The following ZNF618 variants were observed in gnomAD, a reference collection of about 807,000 sequenced individuals.
ZNF618 encodes neural precursor cell expressed, developmentally down-regulated 10.
Under a neutral mutation model 103.0 loss-of-function variants are expected in ZNF618, and 34 were observed. The ratio of observed to expected loss-of-function variants is 0.33; its 90% CI spans 0.25 to 0.44. ZNF618 has a LOEUF of 0.44. Ranked by LOEUF, ZNF618 falls within the 20% of genes least tolerant of loss-of-function variation. The probability of loss-of-function intolerance (pLI) is 1.00; values close to 1 mark genes in which losing one functional copy is unlikely to be tolerated. For synonymous variants in ZNF618, 551 were observed against 542.2 expected (o/e 1.02, Z -0.23); for missense variants, 1,059 against 1,295.4 (o/e 0.82, Z 2.80).
At chr9:113,977,701 T>G (rs12351979) in intron 2 of ZNF618, among the ~76,000 whole-genome samples, 25,097 of 152,176 alleles carry the variant, frequency 0.16, 2,522 homozygotes, top group Middle Eastern at 0.29. Flanking sequence ...CGTGTCTGTT[T>G]AAAATGCCAT....
In ZNF618 at chr9:114,035,242, G is replaced by A. The variant is rs941082566; in HGVS notation, c.1169-1058G>A. Reference sequence around the variant, plus strand: ...CCTTTCCCTCTCCTACAGAGTAAGTGATGGTCCCGTTGGGGGGCTGGAGAG... The same window carrying A: ...CCTTTCCCTCTCCTACAGAGTAAGTAATGGTCCCGTTGGGGGGCTGGAGAG... On this transcript the variant is annotated intron_variant, in intron 12 of 14. Transcript: ENST00000374126. 5.1e-6 allele frequency: 5 copies of A among 985,928 alleles called. No homozygotes were observed. In the African/African-American group the frequency reaches 5.2e-5, roughly 10 times the overall value. 61.1% of individuals were successfully genotyped at this position (985,928 alleles called of 1,614,324 possible).
chr9:113,969,975 C>T (rs1347804915), intron 2 of ZNF618, among the ~76,000 whole-genome samples: 2 of 152,056 alleles, frequency 1.3e-5, no homozygotes, highest in Non-Finnish European at 2.9e-5. Context: ...GAATGCCAAG[C>T]AGAAGAATTT....
chr9:113,936,852 A>G (rs1030250558), intron 1 of ZNF618, among the ~76,000 whole-genome samples: 1 of 151,934 alleles, frequency 6.6e-6, no homozygotes, highest in Non-Finnish European at 1.5e-5. Flanking sequence ...TATTTAATCC[A>G]TGTGGGATTT....
Position 114,008,331 on chromosome 9 carries a change from T to G in ZNF618, c.641-13T>G, listed in dbSNP as rs1402483020. On this transcript the variant is annotated splice_polypyrimidine_tract_variant and intron_variant, in intron 7 of 14. Transcript: ENST00000374126. ...CTTTCCTTCTGCGGCTGCCGCCTCC[T>G]GCCCGGGCGCAGTGTTTAGTGTGGA... 1.4e-5 allele frequency: 22 copies of G among 1,613,404 alleles called. No homozygotes were observed. The highest frequency in any genetic ancestry group is 1.9e-5 in the Non-Finnish European group (22 of 1,179,868).
intron 6 of ZNF618, among the ~76,000 whole-genome samples, chr9:114,004,420 G>A (rs1588306482): frequency 6.6e-6 from 1 of 152,114 alleles, no homozygotes; most frequent in East Asian, 1.9e-4. Flanking sequence ...GACTGGCTGC[G>A]GTCAGCCACA....
At chr9:113,974,103 G>A (rs1838259241) in intron 2 of ZNF618, among the ~76,000 whole-genome samples, 1 of 152,238 alleles carries the variant, frequency 6.6e-6, no homozygotes, top group African/African-American at 2.4e-5. Flanking sequence ...TGTTGTAGTG[G>A]GAGTAGAGCA....
chr9:113,912,729 G>A (rs1221900849), intron 1 of ZNF618, among the ~76,000 whole-genome samples: 1 of 152,168 alleles, frequency 6.6e-6, no homozygotes, highest in Non-Finnish European at 1.5e-5. Flanking sequence ...TGCACCAAAG[G>A]AGGGATGGGA....
In ZNF618 at chr9:114,055,904, G is replaced by A. The variant is rs567305440; in HGVS notation, c.*5737G>A. ...CACAATATTTTTATAAACAGCCGGT[G>A]CTTGGCTCAAGTCTTCACGAGGGGT... On this transcript the variant is annotated 3_prime_UTR_variant, in exon 15 of 15. Coordinates refer to ENST00000374126, the MANE Select transcript of ZNF618 (RefSeq NM_001318042.2). The A allele has an allele frequency of 1.3e-5, 2 of 152,238 alleles. No homozygotes were observed. The highest frequency in any genetic ancestry group is 1.9e-4 in the East Asian group (1 of 5,170). 9.4% of individuals were successfully genotyped at this position (152,238 alleles called of 1,614,324 possible). A position where few individuals can be genotyped will look rare whatever the true frequency, so the allele number is the denominator to read the frequency against.
At chr9:114,041,454 A>G (rs1845172099) in intron 13 of ZNF618, among the ~76,000 whole-genome samples, 1 of 152,128 alleles carries the variant, frequency 6.6e-6, no homozygotes, top group Non-Finnish European at 1.5e-5. Flanking sequence ...GGGTTTTTAT[A>G]GTTTTAGGTC....
chr9:113,951,050 A>C (rs1835517640), intron 1 of ZNF618, among the ~76,000 whole-genome samples: 1 of 151,272 alleles, frequency 6.6e-6, no homozygotes, highest in South Asian at 2.1e-4. Flanking sequence ...TACAAAGACC[A>C]AACGAGCTGC....
chr9:114,016,793 C>T lies in ZNF618; in HGVS notation c.844+9C>T. 2.5e-6 allele frequency: 4 copies of T among 1,608,248 alleles called. No homozygotes were observed. The South Asian group carries it at 3.3e-5, about 13-fold the overall frequency. On this transcript the variant is annotated intron_variant, in intron 10 of 14. Coordinates refer to ENST00000374126, the MANE Select transcript of ZNF618 (RefSeq NM_001318042.2). ...CTTACACGCCCCCATCAGTGAGTACCTCCTCCCGGTAGGGATGGGGGTTGG... is the reference window on the plus strand; with the variant it reads ...CTTACACGCCCCCATCAGTGAGTACTTCCTCCCGGTAGGGATGGGGGTTGG...
At chr9:113,981,272 G>A (rs1838951177) in intron 2 of ZNF618, among the ~76,000 whole-genome samples, 1 of 152,110 alleles carries the variant, frequency 6.6e-6, no homozygotes, top group Non-Finnish European at 1.5e-5. Flanking sequence ...AGAGTAAATG[G>A]CACCCTTTGG....
At chr9:113,907,358 G>C (rs907881737) in intron 1 of ZNF618, among the ~76,000 whole-genome samples, 1 of 152,248 alleles carries the variant, frequency 6.6e-6, no homozygotes, top group Non-Finnish European at 1.5e-5. Context: ...GGCCCTTGCA[G>C]CTCCAATTGT....
At chr9:113,963,864 C>A (rs1306995283) in intron 1 of ZNF618, among the ~76,000 whole-genome samples, 1 of 152,160 alleles carries the variant, frequency 6.6e-6, no homozygotes, top group Admixed American at 6.5e-5. Flanking sequence ...AGCACACACC[C>A]TGGGGGGTGA....
chr9:113,893,209 T>C (rs941180238), intron 1 of ZNF618, among the ~76,000 whole-genome samples: 1 of 152,194 alleles, frequency 6.6e-6, no homozygotes, highest in Non-Finnish European at 1.5e-5. Context: ...GAGCAGAGAT[T>C]GGAGCCTGAG....
In ZNF618 at chr9:114,052,492, A is replaced by G. The variant is rs1846198459; in HGVS notation, c.*2325A>G. 2.0e-5 allele frequency: 3 copies of G among 152,406 alleles called. No individual in the cohort carries two copies. The South Asian group carries it at 6.2e-4, about 32-fold the overall frequency. 9.4% of individuals were successfully genotyped at this position (152,406 alleles called of 1,614,324 possible). On this transcript the variant is annotated 3_prime_UTR_variant, in exon 15 of 15. Transcript: ENST00000374126. The stretch of plus-strand genomic sequence containing the variant: ...AACCTCATGTCACTTCCTAGGGAAT[A>G]TGGGAAGAAACATCAGCAGACTTTA...
chr9:114,005,736 G>C (rs1321519109), intron 6 of ZNF618, among the ~76,000 whole-genome samples: 4 of 152,208 alleles, frequency 2.6e-5, no homozygotes, highest in Non-Finnish European at 5.9e-5. Context: ...GTCTGGACGG[G>C]ACCTGATGGG....
chr9:113,881,892 A>T (rs1828563654), intron 1 of ZNF618, among the ~76,000 whole-genome samples: 1 of 152,176 alleles, frequency 6.6e-6, no homozygotes, highest in African/African-American at 2.4e-5. Flanking sequence ...TGCTGTAGTT[A>T]AAAATGACAA....
intron 1 of ZNF618, among the ~76,000 whole-genome samples, chr9:113,958,709 T>A (rs946787884): frequency 3.9e-5 from 6 of 152,220 alleles, no homozygotes; most frequent in African/African-American, 1.2e-4. Context: ...TCTTTCTTCC[T>A]GGTGTACTGC....
Sources: gnomAD v4.1 joint callset for allele counts (sites outside exome capture counted in the v4.1 genomes callset) on GRCh38, gnomAD v4.1.1 for gene constraint, MANE v1.5 for transcripts, NCBI Gene and HGNC (gene_info 2026-07-23, HGNC 2026-07-21) for gene names.